The following TUBGCP2 variants were observed in gnomAD, a reference collection of about 807,000 sequenced individuals.
TUBGCP2 encodes tubulin gamma complex component 2, also known as gamma-tubulin complex component 2.
TUBGCP2 carries 55 observed loss-of-function variants against 92.2 expected under a neutral mutation model. The ratio of observed to expected loss-of-function variants is 0.60; its 90% confidence interval spans 0.48 to 0.75. The LOEUF is 0.75. Among genes scored for constraint, TUBGCP2 ranks in the 30% least tolerant of loss-of-function variants. The pLI is 0.00. For synonymous variants in TUBGCP2, 533 were observed against 505.2 expected, an observed-to-expected ratio of 1.06 and a Z score of -0.74; for missense variants, 1,093 against 1,188.9, an observed-to-expected ratio of 0.92 and a Z score of 1.19.
chr10:133,288,858 T>A lies in TUBGCP2; in HGVS notation c.1523A>T (p.Glu508Val). The change falls in exon 10 of 18, where the codon GAG (glutamate) becomes GTG (valine). Residue 508 changes from glutamate (E) to valine (V), a missense_variant. Physicochemically the swap from Glu to Val is moderately radical, Grantham distance 121. Transcript: ENST00000252936. ...GAATCACCTGAGGTGAGCCACCAGC[T>A]CCTTCTCCTCCATCAGGAAGTCCAG... is the stretch of plus-strand genomic sequence containing the variant. ...VLLDFLMEEK[E>V]LVAHLRSIKR... 1 of 1,612,298 alleles carries A rather than the reference T, an allele frequency of 6.2e-7. No individual in the cohort carries two copies.
At chr10:133,302,319 C>T (rs1331474428) in intron 2 of TUBGCP2, 1 of 222,104 alleles carries the variant, frequency 4.5e-6, no homozygotes, top group Non-Finnish European at 9.2e-6. Context: ...GCAGTGCTCA[C>T]CCTGCACCAT....
upstream of TUBGCP2, chr10:133,309,416 C>T (rs143680174): frequency 1.2e-5 from 20 of 1,612,282 alleles, no homozygotes; most frequent in Middle Eastern, 1.7e-4. Context: ...GCCACCTCTA[C>T]CTCCAGGACG....
chr10:133,280,052 G>C, intron 17 of TUBGCP2, 151 bp from the exon 18 acceptor site: 1 of 1,296,936 alleles, frequency 7.7e-7, no homozygotes, highest in South Asian at 1.4e-5. Context: ...AGTGGAGCTG[G>C]GGCACACACT....
intron 14 of TUBGCP2, 107 bp downstream of exon 14, chr10:133,283,757 CCCTGCATTCCCTGCCTCT>C: frequency 1.4e-6 from 2 of 1,449,908 alleles, no homozygotes; most frequent in Admixed American, 1.8e-5. Context: ...CCCTGCGTCT[CCCTGCATTCCCTGCCTCT>C]CCTGCACTCC....
At chr10:133,310,093 G>C, upstream of TUBGCP2, 1 of 1,611,378 alleles carries the variant, frequency 6.2e-7, no homozygotes, top group Non-Finnish European at 8.5e-7. Flanking sequence ...GCCCTTGGCA[G>C]CTCTGCTACG....
chr10:133,283,780 CA>C (rs2037149309), intron 14 of TUBGCP2, 101 bp downstream of exon 14: 2 of 1,541,616 alleles, frequency 1.3e-6, no homozygotes, highest in African/African-American at 1.4e-5. Context: ...GCCTCTCCTG[CA>C]CTCCCTGCCT....
At chr10:133,303,654 C>G (rs1847734925) in intron 1 of TUBGCP2, among the ~76,000 whole-genome samples, 1 of 152,222 alleles carries the variant, frequency 6.6e-6, no homozygotes, top group East Asian at 1.9e-4. Flanking sequence ...TTCTCAGAGC[C>G]CGCGGTGCTC....
chr10:133,295,878 G>A (rs192525838), intron 5 of TUBGCP2: 7 of 152,520 alleles, frequency 4.6e-5, no homozygotes, highest in South Asian at 2.1e-4. Flanking sequence ...GACAGGCCCC[G>A]GCATGAACAC....
In TUBGCP2 at chr10:133,298,026, A is replaced by G; in HGVS notation, c.542T>C (p.Val181Ala). Reference sequence around the variant, plus strand: ...CCCGATCAGGGCAGGTCTCTCATACACCCATGCTGGGAAGATGGGGAGGTG... The same window carrying G: ...CCCGATCAGGGCAGGTCTCTCATACGCCCATGCTGGGAAGATGGGGAGGTG... ...GQHLPIFPAW[V>A]YERPALIGDF... The change falls in exon 5 of 18, where the codon GTG becomes GCG. Residue 181 changes from valine to alanine, a missense_variant. Val to Ala is a moderately conservative substitution (Grantham distance 64, BLOSUM62 0). Transcript: ENST00000252936. 6.2e-7 allele frequency: 1 copy of G among 1,614,008 alleles called. No homozygotes were observed. The highest frequency in any genetic ancestry group is 8.5e-7 in the Non-Finnish European group (1 of 1,179,986).
intron 2 of TUBGCP2, 54 bp downstream of exon 2, chr10:133,302,738 T>G: frequency 6.2e-7 from 1 of 1,606,328 alleles, no homozygotes; most frequent in Non-Finnish European, 8.5e-7. Context: ...TGCACCACCC[T>G]GACCCAGGAA....
chr10:133,312,135 C>G, upstream of TUBGCP2: 1 of 1,428,414 alleles, frequency 7.0e-7, no homozygotes. Context: ...TTGCTTCAGT[C>G]ACAACCCAGG....
chr10:133,281,361 A>C lies in TUBGCP2; in HGVS notation c.2485T>G (p.Phe829Val). The C allele has an allele frequency of 1.9e-6, 3 of 1,613,892 alleles. No homozygotes were observed. Among genetic ancestry groups the C allele is most frequent in the Non-Finnish European group, 1.7e-6 (2 of 1,180,012 alleles). ...EATINKFDKN[F>V]SAHLLDLLAR... is the part of the protein sequence containing the mutation. ...AGGAGGTCCAGCAGGTGGGCTGAGAAGTTCTTGTCAAACTTGTTGATGGTG... is the reference window on the plus strand; with the variant it reads ...AGGAGGTCCAGCAGGTGGGCTGAGACGTTCTTGTCAAACTTGTTGATGGTG... The change falls in exon 17 of 18, where the codon TTC (phenylalanine) becomes GTC (valine). Residue 829 changes from phenylalanine (F) to valine (V), a missense_variant. Transcript: ENST00000252936.
intron 5 of TUBGCP2, 126 bp from the exon 6 acceptor site, chr10:133,293,895 C>G: frequency 1.0e-6 from 1 of 979,816 alleles, no homozygotes; most frequent in South Asian, 1.5e-5. Context: ...AGGTCAGCCA[C>G]TGCACTTGGC....
chr10:133,300,872 T>C (rs1847629241), intron 2 of TUBGCP2, among the ~76,000 whole-genome samples: 1 of 152,246 alleles, frequency 6.6e-6, no homozygotes. Context: ...TTCCCTTTTA[T>C]GCTGCTTCAG....
intron 5 of TUBGCP2, 48 bp downstream of exon 5, chr10:133,297,904 C>T (rs1292077953): frequency 2.3e-5 from 37 of 1,593,950 alleles, no homozygotes; most frequent in East Asian, 6.8e-5. Flanking sequence ...CGGAAATCAA[C>T]GCATCACGTA....
rs545115521 is a variant in TUBGCP2 at position 133,280,580 on chromosome 10, C to A, written c.2574-679G>T. On this transcript the variant is annotated intron_variant, in intron 17 of 17. Coordinates refer to ENST00000252936, the MANE Select transcript of TUBGCP2 (RefSeq NM_006659.4). ...ACAGGACACACACAGCCGCAGGGTGCCAATGGGGCAGCCCAGTTGCACAGA... is the reference window on the plus strand; with the variant it reads ...ACAGGACACACACAGCCGCAGGGTGACAATGGGGCAGCCCAGTTGCACAGA... 6.2e-4 allele frequency among the ~76,000 whole-genome samples: 95 copies of A among 152,338 alleles called. 3 individuals carry two copies. The South Asian group carries it at 0.019, about 30-fold the overall frequency.
At chr10:133,305,838 A>G (rs1480827541) in intron 1 of TUBGCP2, among the ~76,000 whole-genome samples, 3 of 152,234 alleles carry the variant, frequency 2.0e-5, no homozygotes, top group Non-Finnish European at 4.4e-5. Flanking sequence ...CACGGTAACT[A>G]CAGTTCAAGC....
intron 14 of TUBGCP2, among the ~76,000 whole-genome samples, chr10:133,283,663 T>C (rs965173536): frequency 7.0e-6 from 1 of 143,772 alleles, no homozygotes; most frequent in Admixed American, 6.8e-5. Flanking sequence ...GCACTCCGTG[T>C]CTCCCTGCAC....
chr10:133,279,637 G>T lies in TUBGCP2; in HGVS notation c.*129C>A. 1.5e-6 allele frequency: 2 copies of T among 1,329,794 alleles called. No homozygotes were observed. Among genetic ancestry groups the T allele is most frequent in the Non-Finnish European group, 9.8e-7 (1 of 1,023,328 alleles). The allele number at this position is 1,329,794 out of a possible 1,614,324, so 82.4% of individuals were successfully genotyped here. A position where few individuals can be genotyped will look rare whatever the true frequency, so the allele number is the denominator to read the frequency against. ...AGCGCCTTGAGAAACAAAGTGAGCT[G>T]AGTCAATCATTCCTGCTTTATATTT... On this transcript the variant is annotated 3_prime_UTR_variant, in exon 18 of 18. Coordinates refer to ENST00000252936, the MANE Select transcript of TUBGCP2 (RefSeq NM_006659.4).
Sources: gnomAD v4.1 joint callset for allele counts (sites outside exome capture counted in the v4.1 genomes callset) on GRCh38, gnomAD v4.1.1 for gene constraint, MANE v1.5 for transcripts, NCBI Gene and HGNC (gene_info 2026-07-23, HGNC 2026-07-21) for gene names.